TBCK: variants seen among roughly 807,000 people sequenced by gnomAD.
TBCK encodes the protein TBC1 domain containing kinase.
TBCK carries 99 observed loss-of-function variants against 113.4 expected under a neutral mutation model. That is an observed-to-expected ratio of 0.87 (90% confidence interval 0.74 to 1.03). The LOEUF (loss-of-function observed/expected upper bound fraction) is 1.03. Ranked by LOEUF, TBCK falls within the 50% of genes least tolerant of loss-of-function variation. The probability of loss-of-function intolerance (pLI) is 0.00; values close to 1 mark genes in which losing one functional copy is unlikely to be tolerated. For synonymous variants in TBCK, 369 were observed against 370.8 expected, an observed-to-expected ratio of 1.00 and a Z score of 0.05; for missense variants, 1,045 against 1,061.3, an observed-to-expected ratio of 0.98 and a Z score of 0.21.
In TBCK at chr4:106,259,632, T is replaced by A. The variant is rs540361402; in HGVS notation, c.455+805A>T. Among the ~76,000 whole-genome samples, 13 of 152,026 alleles carry A rather than the reference T, an allele frequency of 8.6e-5. No homozygotes were observed. The South Asian group carries it at 2.7e-3, about 32-fold the overall frequency. ...AACAATCATTATACACATACACACA[T>A]ATATGCTCGGAGAAAAAACAGAGAA... On this transcript the variant is annotated intron_variant, in intron 5 of 25. Transcript: ENST00000394708.
intron 23 of TBCK, among the ~76,000 whole-genome samples, chr4:106,131,449 C>A (rs953262463): frequency 6.6e-6 from 1 of 152,104 alleles, no homozygotes; most frequent in Non-Finnish European, 1.5e-5. Context: ...CCCGTCTCTA[C>A]TAAAAAGACA....
chr4:106,311,244 CACAG>C (rs1220440028), intron 1 of TBCK, among the ~76,000 whole-genome samples: 4 of 132,870 alleles, frequency 3.0e-5, no homozygotes, highest in South Asian at 2.4e-4. Context: ...CACACACACA[CACAG>C]AGTGGACCTG....
At chr4:106,093,728 C>A (rs1406979564) in intron 25 of TBCK, among the ~76,000 whole-genome samples, 2 of 152,092 alleles carry the variant, frequency 1.3e-5, no homozygotes, top group African/African-American at 4.8e-5. Context: ...CTATTGGGTA[C>A]TAGGCTTAGT....
intron 23 of TBCK, among the ~76,000 whole-genome samples, chr4:106,147,323 T>A (rs1005049240): frequency 6.6e-6 from 1 of 152,176 alleles, no homozygotes; most frequent in Admixed American, 6.5e-5. Context: ...AGTCACTATC[T>A]ATGGCAGCTA....
At chr4:106,049,013 C>G (rs1362971958) in intron 25 of TBCK, among the ~76,000 whole-genome samples, 1 of 152,094 alleles carries the variant, frequency 6.6e-6, no homozygotes, top group Non-Finnish European at 1.5e-5. Context: ...AGAAAAAGAG[C>G]AACTGTTGAG....
rs370006818 is a variant in TBCK, at chr4:106,233,686, T to C, written c.1450-36A>G. On this transcript the variant is annotated intron_variant, in intron 15 of 25. Coordinates refer to ENST00000394708, the MANE Select transcript of TBCK (RefSeq NM_001163435.3). ...TAAAAGAAGATATATTAATTTATCATATCCTTAATACAAATAGTAATATAG... is the reference window on the plus strand; with the variant it reads ...TAAAAGAAGATATATTAATTTATCACATCCTTAATACAAATAGTAATATAG... The C allele has an allele frequency of 4.8e-6, 7 of 1,470,974 alleles. No homozygotes were observed. The African/African-American group carries it at 9.9e-5, about 21-fold the overall frequency. The allele number at this position is 1,470,974 out of a possible 1,614,324, so 91.1% of individuals were successfully genotyped here.
chr4:106,121,651 G>T (rs1460396230), intron 23 of TBCK, among the ~76,000 whole-genome samples: 2 of 152,036 alleles, frequency 1.3e-5, no homozygotes, highest in African/African-American at 2.4e-5. Flanking sequence ...AAATGTAAAA[G>T]AATAGAGATT....
At chr4:106,231,376 GA>G (rs1330642693) in intron 18 of TBCK, among the ~76,000 whole-genome samples, 1 of 151,726 alleles carries the variant, frequency 6.6e-6, no homozygotes, top group African/African-American at 2.4e-5. Flanking sequence ...CTTCATTAAG[GA>G]AGAGGTATCC....
intron 23 of TBCK, among the ~76,000 whole-genome samples, chr4:106,162,087 C>T (rs924727226): frequency 2.6e-5 from 4 of 152,120 alleles, no homozygotes; most frequent in African/African-American, 9.7e-5. Context: ...TTCCTAGATA[C>T]AATGGGGGTA....
chr4:106,278,275 G>A (rs1454484216), intron 3 of TBCK, among the ~76,000 whole-genome samples: 1 of 152,026 alleles, frequency 6.6e-6, no homozygotes, highest in East Asian at 1.9e-4. Context: ...AAGAGTTCAT[G>A]GGCTGGGCGC....
At chr4:106,251,726 T>A in intron 6 of TBCK, 140 bp downstream of exon 6, 1 of 711,096 alleles carries the variant, frequency 1.4e-6, no homozygotes, top group Non-Finnish European at 2.0e-6. Flanking sequence ...CAAACATGAT[T>A]AAGTCAAATT....
intron 23 of TBCK, among the ~76,000 whole-genome samples, chr4:106,147,977 C>A (rs939358765): frequency 6.6e-6 from 1 of 152,150 alleles, no homozygotes; most frequent in African/African-American, 2.4e-5. Flanking sequence ...TGAACTGGCC[C>A]CCCTGGGCGT....
chr4:106,190,877 A>G (rs1418654957), intron 22 of TBCK, among the ~76,000 whole-genome samples: 2 of 152,160 alleles, frequency 1.3e-5, no homozygotes, highest in Admixed American at 1.3e-4. Flanking sequence ...ACTAGCTGAG[A>G]CTACAGGCGC....
chr4:106,229,209 T>A (rs1758576555), intron 19 of TBCK, among the ~76,000 whole-genome samples: 1 of 152,104 alleles, frequency 6.6e-6, no homozygotes, highest in Non-Finnish European at 1.5e-5. Flanking sequence ...CTCCTAACTT[T>A]GTTGATTGTC....
intron 3 of TBCK, among the ~76,000 whole-genome samples, chr4:106,292,333 A>G (rs575604563): frequency 6.6e-6 from 1 of 152,060 alleles, no homozygotes; most frequent in Non-Finnish European, 1.5e-5. Flanking sequence ...GCACTTTGGG[A>G]GGCTGAGGTG....
chr4:106,171,465 T>A (rs1751004501), intron 22 of TBCK, among the ~76,000 whole-genome samples, 195 bp from the exon 23 acceptor site: 2 of 152,154 alleles, frequency 1.3e-5, no homozygotes, highest in South Asian at 2.1e-4. Context: ...ATATTTGGTA[T>A]AATTTGCTTA....
chr4:106,298,397 G>A (rs574813997), intron 2 of TBCK, among the ~76,000 whole-genome samples: 1 of 151,764 alleles, frequency 6.6e-6, no homozygotes, highest in African/African-American at 2.4e-5. Flanking sequence ...CACGAGGTCA[G>A]GAGACCACCC....
rs544742760 is a variant in TBCK at position 106,256,127 on chromosome 4, G to T, written c.456-4120C>A. 1.6e-3 allele frequency among the ~76,000 whole-genome samples: 244 copies of T among 152,254 alleles called. 7 individuals are homozygous for T. The South Asian group carries it at 0.05, about 31-fold the overall frequency. On this transcript the variant is annotated intron_variant, in intron 5 of 25. Coordinates refer to ENST00000394708, the MANE Select transcript of TBCK (RefSeq NM_001163435.3). ...AAGAAGTGCACGTCCATTGGTCCAT[G>T]GGCGGCCATGGGTGGGCCCAGAAAA...
chr4:106,308,643 G>T, intron 2 of TBCK, 125 bp downstream of exon 2: 2 of 840,452 alleles, frequency 2.4e-6, no homozygotes, highest in Non-Finnish European at 3.6e-6. Context: ...GGAAAAGGAT[G>T]AGAGAAAGAA....
Sources: gnomAD v4.1 joint callset for allele counts (sites outside exome capture counted in the v4.1 genomes callset) on GRCh38, gnomAD v4.1.1 for gene constraint, MANE v1.5 for transcripts, NCBI Gene and HGNC (gene_info 2026-07-23, HGNC 2026-07-21) for gene names.